The following UNKL variants were observed in gnomAD, a reference collection of about 807,000 sequenced individuals.
The protein encoded by UNKL is unk like zinc finger, also known as putative E3 ubiquitin-protein ligase UNKL.
A neutral mutation model predicts 78.0 loss-of-function variants in UNKL; 60 were observed. The observed-to-expected ratio is 0.77, with a 90% CI of 0.63 to 0.95. The LOEUF (loss-of-function observed/expected upper bound fraction) is 0.95, where lower values mean the gene tolerates loss of function less well. Ranked by LOEUF, UNKL falls within the 40% of genes least tolerant of loss-of-function variation. UNKL has a pLI of 0.00. For synonymous variants in UNKL, 608 were observed against 474.8 expected (o/e 1.28, Z -3.65); for missense variants, 1,159 against 1,045.7 (o/e 1.11, Z -1.49).
chr16:1,377,057 C>G (rs569734500), intron 10 of UNKL, among the ~76,000 whole-genome samples: 1 of 152,168 alleles, frequency 6.6e-6, no homozygotes, highest in Non-Finnish European at 1.5e-5. Context: ...GAGTCTTGCT[C>G]TGTCACCCAG....
intron 10 of UNKL, among the ~76,000 whole-genome samples, chr16:1,374,643 C>A (rs2142004137): frequency 6.6e-6 from 1 of 152,230 alleles, no homozygotes; most frequent in East Asian, 1.9e-4. Context: ...GAGTCCCGCC[C>A]TCGCAGACCT....
Position 1,403,317 on chromosome 16 carries a change from C to G in UNKL, c.315G>C (p.Gly105=). The change falls in exon 3 of 15, where the codon GGG becomes GGC. Residue 105 remains glycine (G), a synonymous_variant. Transcript: ENST00000389221. The surrounding 1 kb of genome is among the most constrained non-coding windows in gnomAD (Gnocchi z 4.8). ...DECPYLHRTT[G]DTERKYHLRY... ...GCAGGTGGTACTTGCGTTCTGTGTC[C>G]CCCGTCGTCCGGTGCAGGTAGGGAC... 6.2e-7 allele frequency: 1 copy of G among 1,614,170 alleles called. No individual in the cohort carries two copies. The highest frequency in any genetic ancestry group is 8.5e-7 in the Non-Finnish European group (1 of 1,180,030).
intron 10 of UNKL, among the ~76,000 whole-genome samples, chr16:1,376,498 G>A (rs1036573765): frequency 9.2e-5 from 14 of 152,026 alleles, no homozygotes; most frequent in Middle Eastern, 3.2e-3. Flanking sequence ...TCCTCCTGGC[G>A]TCCATCCTCC....
chr16:1,379,798 C>T lies in UNKL; in HGVS notation c.1264+5410G>A, dbSNP rs1401959315. 1.3e-5 allele frequency: 10 copies of T among 756,718 alleles called. No homozygotes were observed. In the South Asian group the frequency reaches 3.0e-4, roughly 22 times the overall value. 46.9% of individuals were successfully genotyped at this position (756,718 alleles called of 1,614,324 possible). A position where few individuals can be genotyped will look rare whatever the true frequency, so the allele number is the denominator to read the frequency against. On this transcript the variant is annotated intron_variant, in intron 10 of 14. Coordinates refer to ENST00000389221, the MANE Select transcript of UNKL (RefSeq NM_001372107.1). ...TGCCCTCCCCCAACCTTCCCCCCGA[C>T]TCGGGCGCACCCGGTCCCCGCGGCT...
At chr16:1,410,406 G>A (rs1398700582) in intron 2 of UNKL, among the ~76,000 whole-genome samples, 5 of 152,130 alleles carry the variant, frequency 3.3e-5, no homozygotes, top group Middle Eastern at 3.4e-3. Flanking sequence ...TCAGGAGTTC[G>A]AGACCAGCCT....
intron 2 of UNKL, among the ~76,000 whole-genome samples, chr16:1,404,352 A>C (rs936138242): frequency 1.3e-5 from 2 of 152,232 alleles, no homozygotes; most frequent in Non-Finnish European, 2.9e-5. Flanking sequence ...TAGGAGCTCC[A>C]GCCAGGGATG....
Position 1,414,132 on chromosome 16 carries a change from C to T in UNKL, c.78-77G>A. On this transcript the variant is annotated intron_variant, in intron 1 of 14. Transcript: ENST00000389221. ...TCGGACTCGTGGGCGGCGGGACCCA[C>T]CGGCCTCAGGAGCCTCAACCCAGGG... 2.1e-6 allele frequency: 3 copies of T among 1,417,032 alleles called. No homozygotes were observed. In the East Asian group the frequency reaches 7.6e-5, roughly 36 times the overall value. The allele number at this position is 1,417,032 out of a possible 1,614,324, so 87.8% of individuals were successfully genotyped here. A position where few individuals can be genotyped will look rare whatever the true frequency, so the allele number is the denominator to read the frequency against.
At chr16:1,412,609 C>T (rs1249664108) in intron 2 of UNKL, among the ~76,000 whole-genome samples, 1 of 152,152 alleles carries the variant, frequency 6.6e-6, no homozygotes, top group Non-Finnish European at 1.5e-5. Flanking sequence ...GACTCAGTCT[C>T]GATGCTACAT....
chr16:1,413,997 G>A lies in UNKL; in HGVS notation c.136C>T (p.Gln46Ter). 1 of 1,551,824 alleles carries A rather than the reference G, an allele frequency of 6.4e-7. No individual in the cohort carries two copies. Among genetic ancestry groups the A allele is most frequent in the Non-Finnish European group, 8.7e-7 (1 of 1,147,442 alleles). ...TGGAAGCAGGTGAACGGCCGGTGCT[G>A]CGCGCACTTGTGCTGTGAAAACAGG... Reference protein sequence around the residue: ...CPLFSQHKCAQHRPFTCFHWH... With the variant: ...CPLFSQHKCA The change falls in exon 2 of 15, where the codon CAG (glutamine) becomes TAG (stop). Residue 46 changes from glutamine to a stop codon, truncating the protein, a stop_gained. Transcript: ENST00000389221. LOFTEE classifies it high-confidence loss of function.
At chr16:1,376,465 C>T (rs909347087) in intron 10 of UNKL, among the ~76,000 whole-genome samples, 1 of 149,362 alleles carries the variant, frequency 6.7e-6, no homozygotes, top group African/African-American at 2.5e-5. Flanking sequence ...ACTCCTCCTC[C>T]CTCCAGGGCT....
chr16:1,383,740 C>G (rs1196363423), intron 10 of UNKL: 1 of 409,040 alleles, frequency 2.4e-6, no homozygotes, highest in African/African-American at 2.0e-5. Flanking sequence ...CGCCGGGCCG[C>G]CGCCCACATT....
chr16:1,401,752 G>C, intron 3 of UNKL, 51 bp from the exon 4 acceptor site: 1 of 1,564,846 alleles, frequency 6.4e-7, no homozygotes, highest in South Asian at 1.1e-5. Context: ...AGCCTCCAAA[G>C]CTGAAACGAG....
At chr16:1,414,548 G>T in intron 1 of UNKL, 67 bp downstream of exon 1, 3 of 658,770 alleles carry the variant, frequency 4.6e-6, no homozygotes, top group Non-Finnish European at 5.7e-6. Flanking sequence ...GGCGGCGCGA[G>T]CCCCGGCGGG....
intron 2 of UNKL, among the ~76,000 whole-genome samples, chr16:1,405,308 C>G (rs1596763190): frequency 6.7e-6 from 1 of 150,186 alleles, no homozygotes; most frequent in African/African-American, 2.5e-5. Flanking sequence ...AGGCAGCCAG[C>G]CAGGCAGCTG....
At chr16:1,367,483 G>GCCCCCCCCC in intron 13 of UNKL, 134 bp from the exon 14 acceptor site, 1 of 568,654 alleles carries the variant, frequency 1.8e-6, no homozygotes. Context: ...GACCCCTGCG[G>GCCCCCCCCC]CCCTCCCTCC....
At position 1,367,181 on chromosome 16, in the gene UNKL, G is replaced by T; in HGVS notation, c.1957C>A (p.Arg653=). The change falls in exon 14 of 15, where the codon CGG becomes AGG. Residue 653 remains arginine, a synonymous_variant. Coordinates refer to ENST00000389221, the MANE Select transcript of UNKL (RefSeq NM_001372107.1). ...LGVASTLPGL[R]GCGDIGTIPL... is the part of the protein sequence containing the mutation. ...ATGGTGCCGATGTCCCCACAGCCCCGCAGCCCCGGCAGTGTGGAGGCTACG... is the reference window on the plus strand; with the variant it reads ...ATGGTGCCGATGTCCCCACAGCCCCTCAGCCCCGGCAGTGTGGAGGCTACG... 6.2e-7 allele frequency: 1 copy of T among 1,605,320 alleles called. No homozygotes were observed.
intron 10 of UNKL, among the ~76,000 whole-genome samples, chr16:1,376,122 CG>C (rs1399585282): frequency 1.5e-5 from 2 of 129,712 alleles, no homozygotes; most frequent in Admixed American, 1.5e-4. Flanking sequence ...GGCTGGGGCA[CG>C]CTCCTCCCTC....
chr16:1,371,405 G>C (rs976525387), intron 11 of UNKL, 114 bp downstream of exon 11: 1 of 1,022,290 alleles, frequency 9.8e-7, no homozygotes, highest in Non-Finnish European at 1.4e-6. Flanking sequence ...GTGCAGTGGT[G>C]CAACCTCAGC....
chr16:1,396,930 C>T (rs1166377585), intron 6 of UNKL: 1 of 524,750 alleles, frequency 1.9e-6, no homozygotes, highest in Admixed American at 3.5e-5. Context: ...GCTTTTTTCC[C>T]ACATGACTCT....
Sources: allele counts gnomAD v4.1 joint callset (sites outside exome capture counted in the v4.1 genomes callset), GRCh38; gene constraint gnomAD v4.1.1; non-coding constraint Gnocchi (gnomAD v3.1); transcripts MANE v1.5; gene names NCBI Gene and HGNC (gene_info 2026-07-23, HGNC 2026-07-21).